Variants in LRP6 observed in about 807,000 individuals in gnomAD.
LRP6 encodes the protein LDL receptor related protein 6, also known as low-density lipoprotein receptor-related protein 6.
LRP6 carries 43 observed loss-of-function variants against 184.1 expected under a neutral mutation model. The observed-to-expected ratio is 0.23, with a 90% CI of 0.18 to 0.30. The LOEUF (loss-of-function observed/expected upper bound fraction) is 0.30. Among genes scored for constraint, LRP6 ranks in the 10% least tolerant of loss-of-function variants. LRP6 has a pLI of 1.00. For synonymous variants in LRP6, 719 were observed against 684.9 expected (o/e 1.05, Z -0.78); for missense variants, 1,571 against 2,005.3 (o/e 0.78, Z 4.14).
intron 12 of LRP6, among the ~76,000 whole-genome samples, chr12:12,152,721 T>C (rs1222154651): frequency 1.3e-5 from 2 of 152,206 alleles, no homozygotes; most frequent in African/African-American, 2.4e-5. Flanking sequence ...TACAGGAGAA[T>C]TTTGTCCTTC....
At chr12:12,235,066 T>C (rs1260846934) in intron 2 of LRP6, among the ~76,000 whole-genome samples, 1 of 152,160 alleles carries the variant, frequency 6.6e-6, no homozygotes, top group South Asian at 2.1e-4. Context: ...GTATAAATTT[T>C]TGTATTATTT....
chr12:12,146,905 C>CA (rs1222357537), intron 15 of LRP6, among the ~76,000 whole-genome samples: 1 of 152,196 alleles, frequency 6.6e-6, no homozygotes, highest in Non-Finnish European at 1.5e-5. Context: ...GTAATCCCAG[C>CA]ACTTTGGGAG....
At chr12:12,252,579 G>C (rs543801384) in intron 1 of LRP6, among the ~76,000 whole-genome samples, 36 of 152,270 alleles carry the variant, frequency 2.4e-4, no homozygotes, top group African/African-American at 8.7e-4. Flanking sequence ...CTATTAATCA[G>C]AGTTCTGGTG....
chr12:12,194,214 T>TA (rs1241483583), intron 3 of LRP6, among the ~76,000 whole-genome samples: 1 of 151,990 alleles, frequency 6.6e-6, no homozygotes, highest in African/African-American at 2.4e-5. Context: ...ATCCCTTTAT[T>TA]AAAAAAACCT....
chr12:12,186,918 C>T lies in LRP6; in HGVS notation c.844+5G>A, dbSNP rs879010619. On this transcript the variant is annotated splice_donor_5th_base_variant and intron_variant, in intron 4 of 22. Coordinates refer to ENST00000261349, the MANE Select transcript of LRP6 (RefSeq NM_002336.3). ...CTTGCAATTTAAAAATCAAGGATCA[C>T]TTACCATTTGGCTGCCTCTGTTGGC... 6 of 1,613,690 alleles carry T rather than the reference C, an allele frequency of 3.7e-6. No individual in the cohort carries two copies. The highest frequency in any genetic ancestry group is 1.7e-5 in the Admixed American group (1 of 59,998).
intron 7 of LRP6, among the ~76,000 whole-genome samples, chr12:12,173,147 G>A (rs7970975): frequency 0.029 from 4,409 of 152,136 alleles, 207 homozygotes; most frequent in African/African-American, 0.1. Context: ...CGAAAAAATT[G>A]AGAACAGAGT....
intron 4 of LRP6, 110 bp downstream of exon 4, chr12:12,186,813 G>C: frequency 2.0e-6 from 2 of 978,864 alleles, no homozygotes; most frequent in Non-Finnish European, 3.3e-6. Context: ...TTTTATTCCC[G>C]CCAACTATCT....
chr12:12,142,453 T>A (rs1170728877), intron 15 of LRP6, among the ~76,000 whole-genome samples: 1 of 152,154 alleles, frequency 6.6e-6, no homozygotes, highest in Non-Finnish European at 1.5e-5. Context: ...AAGCATGCAC[T>A]GGATGCAATT....
At chr12:12,205,329 C>CAAAAAAAAAAAAAAAAAAAAAA (rs56169717) in intron 2 of LRP6, among the ~76,000 whole-genome samples, 1 of 39,106 alleles carries the variant, frequency 2.6e-5, no homozygotes. Flanking sequence ...CTCAAACAAA[C>CAAAAAAAAAAAAAAAAAAAAAA]AAAAAAAAAA....
chr12:12,210,109 G>A (rs780407727), intron 2 of LRP6, among the ~76,000 whole-genome samples: 10 of 152,140 alleles, frequency 6.6e-5, no homozygotes, highest in Non-Finnish European at 1.3e-4. Context: ...GAAATCCCAC[G>A]TGTATTATTT....
intron 2 of LRP6, among the ~76,000 whole-genome samples, chr12:12,204,989 A>G (rs1211881191): frequency 6.6e-6 from 1 of 151,700 alleles, no homozygotes; most frequent in Non-Finnish European, 1.5e-5. Flanking sequence ...AAAAAAATAG[A>G]AAAACTCTTT....
intron 2 of LRP6, among the ~76,000 whole-genome samples, chr12:12,209,034 TAAG>T (rs1381791534): frequency 6.6e-5 from 10 of 152,128 alleles, no homozygotes; most frequent in African/African-American, 2.2e-4. Flanking sequence ...TGTAGAGAAA[TAAG>T]AAGTTACTCT....
chr12:12,207,663 G>A (rs919424370), intron 2 of LRP6, among the ~76,000 whole-genome samples: 8 of 152,262 alleles, frequency 5.3e-5, no homozygotes, highest in African/African-American at 1.4e-4. Context: ...GAAAAAGACT[G>A]CCAAGAAGAG....
intron 7 of LRP6, among the ~76,000 whole-genome samples, chr12:12,178,715 A>C (rs1449164190): frequency 3.3e-5 from 5 of 152,218 alleles, no homozygotes; most frequent in African/African-American, 1.2e-4. Context: ...AGGCAGTGAA[A>C]TACTAACAGG....
chr12:12,124,481 T>G, intron 22 of LRP6, 84 bp downstream of exon 22: 1 of 909,418 alleles, frequency 1.1e-6, no homozygotes, highest in Non-Finnish European at 1.9e-6. Flanking sequence ...GACCATCGTC[T>G]ACTCATTTGG....
chr12:12,197,701 T>C (rs1329125799), intron 3 of LRP6, among the ~76,000 whole-genome samples: 1 of 152,148 alleles, frequency 6.6e-6, no homozygotes, highest in Non-Finnish European at 1.5e-5. Flanking sequence ...AATATAAAGT[T>C]TCAGAATAAC....
intron 1 of LRP6, among the ~76,000 whole-genome samples, chr12:12,252,164 C>A (rs1006928121): frequency 6.6e-6 from 1 of 152,216 alleles, no homozygotes; most frequent in Non-Finnish European, 1.5e-5. Context: ...AGATTACAGG[C>A]ATGGGCCACC....
At chr12:12,228,071 G>T (rs1484153253) in intron 2 of LRP6, among the ~76,000 whole-genome samples, 1 of 152,014 alleles carries the variant, frequency 6.6e-6, no homozygotes, top group Non-Finnish European at 1.5e-5. Context: ...CCAAGGTAAG[G>T]ATTAAGAAAG....
intron 7 of LRP6, among the ~76,000 whole-genome samples, chr12:12,175,000 ATC>A (rs996069169): frequency 6.6e-6 from 1 of 152,196 alleles, no homozygotes; most frequent in Admixed American, 6.5e-5. Flanking sequence ...AGACATGAAA[ATC>A]TCTCTTTTTA....
Sources: allele counts gnomAD v4.1 joint callset (sites outside exome capture counted in the v4.1 genomes callset), GRCh38; gene constraint gnomAD v4.1.1; transcripts MANE v1.5; gene names NCBI Gene and HGNC (gene_info 2026-07-23, HGNC 2026-07-21).